GRID2: variants seen among roughly 807,000 people sequenced by gnomAD.
GRID2 encodes the protein glutamate receptor ionotropic, delta-2.
Under a neutral mutation model 114.8 loss-of-function variants are expected in GRID2, and 33 were observed. The ratio of observed to expected loss-of-function variants is 0.29; its 90% CI spans 0.22 to 0.38. The LOEUF (loss-of-function observed/expected upper bound fraction) is 0.38. GRID2 is among the 10% of genes least tolerant of loss of function. The pLI is 1.00. For synonymous variants in GRID2, 505 were observed against 449.9 expected (o/e 1.12, Z -1.55); for missense variants, 1,184 against 1,257.7 (o/e 0.94, Z 0.89).
chr4:93,425,214 C>T (rs2220179), intron 10 of GRID2, among the ~76,000 whole-genome samples: 105,713 of 152,046 alleles, frequency 0.7, 37,216 homozygotes, highest in African/African-American at 0.81. Context: ...TATTGGACTT[C>T]GTGGTTGATA....
At chr4:92,728,244 T>C (rs1002080209) in intron 2 of GRID2, among the ~76,000 whole-genome samples, 1 of 152,126 alleles carries the variant, frequency 6.6e-6, no homozygotes. Context: ...TACTCTTCTG[T>C]TGCTAGTAAC....
chr4:93,528,715 C>T (rs1016610918), intron 13 of GRID2, among the ~76,000 whole-genome samples: 1 of 152,046 alleles, frequency 6.6e-6, no homozygotes, highest in Non-Finnish European at 1.5e-5. Flanking sequence ...GACCAATAAC[C>T]TATTAACCAG....
intron 14 of GRID2, among the ~76,000 whole-genome samples, chr4:93,740,247 G>A (rs371752448): frequency 5.3e-5 from 8 of 152,242 alleles, no homozygotes; most frequent in African/African-American, 1.9e-4. Flanking sequence ...ATACCATCTA[G>A]GTTTGTGTTA....
At position 92,526,900 on chromosome 4, in the gene GRID2, T is replaced by C. The variant is rs189738660; in HGVS notation, c.89-63231T>C. Among the ~76,000 whole-genome samples the C allele has an allele frequency of 1.1e-3, 171 of 152,202 alleles. 2 individuals are homozygous for C. The highest frequency in any genetic ancestry group is 3.9e-3 in the African/African-American group (163 of 41,546). On this transcript the variant is annotated intron_variant, in intron 1 of 15. Transcript: ENST00000282020. ...ATAAGTTCATTATAAGTTGAAAATA[T>C]TGTGTTTGATGAATTTATCATCATG...
intron 8 of GRID2, among the ~76,000 whole-genome samples, chr4:93,370,401 A>G (rs1359467215): frequency 1.4e-4 from 21 of 150,402 alleles, no homozygotes. Flanking sequence ...ACACACACAA[A>G]CACACACACA....
chr4:93,193,936 C>T lies in GRID2; in HGVS notation c.736-13468C>T, dbSNP rs114632377. On this transcript the variant is annotated intron_variant, in intron 4 of 15. Coordinates refer to ENST00000282020, the MANE Select transcript of GRID2 (RefSeq NM_001510.4). ...CACACCTTAGTCCTATTCTGTAGTT[C>T]CTAATAAAGATTGATTCTCAAAATA... 1.8e-3 allele frequency among the ~76,000 whole-genome samples: 274 copies of T among 152,260 alleles called. 1 individual carries two copies. The highest frequency in any genetic ancestry group is 5.2e-3 in the African/African-American group (217 of 41,562).
At chr4:93,227,270 C>T (rs1216171022) in intron 7 of GRID2, among the ~76,000 whole-genome samples, 1 of 152,100 alleles carries the variant, frequency 6.6e-6, no homozygotes, top group Admixed American at 6.6e-5. Context: ...CAGTCTCGCA[C>T]AGGCTGGAGT....
At chr4:92,556,182 C>A (rs374601059) in intron 1 of GRID2, among the ~76,000 whole-genome samples, 2 of 152,170 alleles carry the variant, frequency 1.3e-5, no homozygotes, top group South Asian at 4.1e-4. Flanking sequence ...CCAATAAATT[C>A]TAATAACAAA....
chr4:92,706,888 A>G (rs1469819019), intron 2 of GRID2, among the ~76,000 whole-genome samples: 1 of 152,196 alleles, frequency 6.6e-6, no homozygotes, highest in Non-Finnish European at 1.5e-5. Context: ...ACAGTGTTGT[A>G]CCATTTTAAA....
intron 4 of GRID2, among the ~76,000 whole-genome samples, chr4:93,159,390 T>C (rs774732263): frequency 6.6e-6 from 1 of 151,818 alleles, no homozygotes; most frequent in Non-Finnish European, 1.5e-5. Context: ...ATTCAAGTTA[T>C]TGAGTGTTTT....
At chr4:93,046,628 G>A (rs1726163290) in intron 2 of GRID2, among the ~76,000 whole-genome samples, 1 of 151,860 alleles carries the variant, frequency 6.6e-6, no homozygotes, top group Non-Finnish European at 1.5e-5. Context: ...ACAATCCACT[G>A]ATCCTCTTTT....
chr4:92,349,606 A>G (rs1434934888), intron 1 of GRID2, among the ~76,000 whole-genome samples: 2 of 151,670 alleles, frequency 1.3e-5, no homozygotes, highest in African/African-American at 4.8e-5. Flanking sequence ...AGCAACTCAA[A>G]TAAATATATG....
At chr4:92,774,265 G>C (rs930181564) in intron 2 of GRID2, among the ~76,000 whole-genome samples, 50 of 152,018 alleles carry the variant, frequency 3.3e-4, no homozygotes, top group African/African-American at 1.1e-3. Context: ...GCATTCCAAG[G>C]AAACAAAAAA....
intron 2 of GRID2, among the ~76,000 whole-genome samples, chr4:92,930,446 A>G (rs1025562260): frequency 6.6e-6 from 1 of 151,270 alleles, no homozygotes; most frequent in Non-Finnish European, 1.5e-5. Context: ...GAAGGCTTAA[A>G]TTTGAATATA....
chr4:92,980,261 A>G (rs955964001), intron 2 of GRID2, among the ~76,000 whole-genome samples: 14 of 152,054 alleles, frequency 9.2e-5, no homozygotes, highest in Non-Finnish European at 1.6e-4. Flanking sequence ...TATTAAGTCT[A>G]TGTAAACATA....
At chr4:92,926,254 T>G (rs1324709771) in intron 2 of GRID2, among the ~76,000 whole-genome samples, 2 of 152,012 alleles carry the variant, frequency 1.3e-5, no homozygotes, top group Non-Finnish European at 2.9e-5. Context: ...TTCTTCTTGT[T>G]AATGAATATT....
intron 1 of GRID2, among the ~76,000 whole-genome samples, chr4:93,806,467 C>A (rs1025902814): frequency 6.6e-6 from 1 of 152,182 alleles, no homozygotes; most frequent in Admixed American, 6.5e-5. Flanking sequence ...CTCCAAAGCC[C>A]TCCTTGAAAC....
chr4:93,551,667 C>T (rs1466886993), intron 13 of GRID2, among the ~76,000 whole-genome samples: 2 of 152,182 alleles, frequency 1.3e-5, no homozygotes, highest in Non-Finnish European at 2.9e-5. Context: ...GCCTGTAACT[C>T]TTAATCACAT....
chr4:93,753,425 T>A (rs928820532), intron 14 of GRID2, among the ~76,000 whole-genome samples: 1 of 152,162 alleles, frequency 6.6e-6, no homozygotes, highest in African/African-American at 2.4e-5. Flanking sequence ...ACATGTGCCA[T>A]GTTGGTGTGC....
Sources: allele counts gnomAD v4.1 joint callset (sites outside exome capture counted in the v4.1 genomes callset), GRCh38; gene constraint gnomAD v4.1.1; transcripts MANE v1.5; gene names NCBI Gene and HGNC (gene_info 2026-07-23, HGNC 2026-07-21).